The following NSF variants were observed in gnomAD, a reference collection of about 807,000 sequenced individuals.
The protein encoded by NSF is vesicle-fusing ATPase.
NSF carries 14 observed loss-of-function variants against 50.3 expected under a neutral mutation model. That is an observed-to-expected ratio of 0.28 (90% CI 0.18 to 0.44). NSF has a LOEUF of 0.44. Among genes scored for constraint, NSF ranks in the 20% least tolerant of loss-of-function variants. The pLI is 1.00. For synonymous variants in NSF, 109 were observed against 175.7 expected, an observed-to-expected ratio of 0.62 and a Z score of 3.00; for missense variants, 218 against 504.3, an observed-to-expected ratio of 0.43 and a Z score of 5.44.
At chr17:46,754,277 C>T (rs2059212376) in intron 19 of NSF, among the ~76,000 whole-genome samples, 1 of 150,112 alleles carries the variant, frequency 6.7e-6, no homozygotes, top group Non-Finnish European at 1.5e-5. Context: ...GACCTCTTAC[C>T]TTTGATACAT....
intron 15 of NSF, among the ~76,000 whole-genome samples, chr17:46,718,898 G>T (rs2058800843): frequency 6.6e-6 from 1 of 152,100 alleles, no homozygotes. Context: ...CAAATTCTCA[G>T]AAGTGGGATT....
At chr17:46,613,128 A>G (rs1325773054) in intron 1 of NSF, among the ~76,000 whole-genome samples, 8 of 44,138 alleles carry the variant, frequency 1.8e-4, no homozygotes, top group African/African-American at 5.4e-4. Flanking sequence ...AATTGTTTTA[A>G]TTACCTGGGT....
intron 17 of NSF, among the ~76,000 whole-genome samples, chr17:46,734,325 A>G (rs2058978996): frequency 6.6e-6 from 1 of 152,100 alleles, no homozygotes; most frequent in South Asian, 2.1e-4. Context: ...AGGCTTAGTC[A>G]TTTTGCCAGA....
chr17:46,750,031 T>G (rs772107126), intron 18 of NSF, 124 bp downstream of exon 18: 1 of 1,130,168 alleles, frequency 8.8e-7, no homozygotes, highest in Non-Finnish European at 1.3e-6. Context: ...CCCGGGGATA[T>G]TACAGGTTGT....
At chr17:46,690,529 G>A (rs198861) in intron 9 of NSF, among the ~76,000 whole-genome samples, 11,674 of 65,148 alleles carry the variant, frequency 0.18, 18 homozygotes, top group Non-Finnish European at 0.24. Flanking sequence ...GGAGAATGGC[G>A]TGAACCCGGG....
chr17:46,610,041 C>CTCTCTTT (rs545055767), intron 1 of NSF, among the ~76,000 whole-genome samples: 2 of 118,656 alleles, frequency 1.7e-5, no homozygotes, highest in Non-Finnish European at 3.7e-5. Context: ...CTCTCTCTCT[C>CTCTCTTT]TCTTTCTTTC....
At chr17:46,740,363 A>C (rs1002739464) in intron 17 of NSF, among the ~76,000 whole-genome samples, 6 of 152,250 alleles carry the variant, frequency 3.9e-5, no homozygotes, top group Non-Finnish European at 8.8e-5. Flanking sequence ...GCAAATTGGC[A>C]GAAAACTGGA....
In NSF at chr17:46,608,154, C is replaced by CA. The variant is rs1283117147; in HGVS notation, c.13-16084dup. 7.1e-5 allele frequency among the ~76,000 whole-genome samples: 8 copies of CA among 112,228 alleles called. 2 individuals carry two copies. The highest frequency in any genetic ancestry group is 2.1e-4 in the Admixed American group (2 of 9,564). The allele number at this position is 112,228 out of a possible 152,430, so 73.6% of individuals were successfully genotyped here. ...TGAAACCCCGTCTCTACTAAAAATACAAAAAATTAGCCAGGCGTGGTGGCG... is the reference window on the plus strand; with the variant it reads ...TGAAACCCCGTCTCTACTAAAAATACAAAAAAATTAGCCAGGCGTGGTGGCG... On this transcript the variant is annotated intron_variant, in intron 1 of 20. Coordinates refer to ENST00000398238, the MANE Select transcript of NSF (RefSeq NM_006178.4).
Position 46,727,641 on chromosome 17 carries a change from G to A in NSF, c.1828+1026G>A, listed in dbSNP as rs143749286. ...TGAGGTCTCCATAAATTGATAGTGGGTTTTGGGTCTGCTAGGTTTGATACA... is the reference window on the plus strand; with the variant it reads ...TGAGGTCTCCATAAATTGATAGTGGATTTTGGGTCTGCTAGGTTTGATACA... On this transcript the variant is annotated intron_variant, in intron 16 of 20. Transcript: ENST00000398238. Among the ~76,000 whole-genome samples, 609 of 152,234 alleles carry A rather than the reference G, an allele frequency of 4.0e-3. 1 individual carries two copies. The highest frequency in any genetic ancestry group is 6.7e-3 in the Non-Finnish European group (453 of 68,006).
intron 17 of NSF, among the ~76,000 whole-genome samples, chr17:46,743,291 C>A (rs760277591): frequency 2.6e-5 from 4 of 152,138 alleles, no homozygotes; most frequent in Admixed American, 1.3e-4. Context: ...CTGACCTAAC[C>A]GTATGGATTC....
chr17:46,611,999 A>G (rs1488030557), intron 1 of NSF, among the ~76,000 whole-genome samples: 1 of 92,254 alleles, frequency 1.1e-5, no homozygotes, highest in Non-Finnish European at 2.1e-5. Flanking sequence ...GTTTATATCC[A>G]GAATATGCAA....
intron 9 of NSF, among the ~76,000 whole-genome samples, chr17:46,688,164 A>G (rs1477479004): frequency 6.9e-6 from 1 of 144,080 alleles, no homozygotes; most frequent in Non-Finnish European, 1.5e-5. Context: ...CAAAAAACAT[A>G]GCTAGGAATC....
chr17:46,748,683 GAACAC>G (rs1248748863), intron 17 of NSF, among the ~76,000 whole-genome samples: 1 of 152,176 alleles, frequency 6.6e-6, no homozygotes, highest in African/African-American at 2.4e-5. Context: ...ATTGAACTGT[GAACAC>G]ACAGGACTCC....
At chr17:46,721,086 C>T (rs961160128) in intron 15 of NSF, among the ~76,000 whole-genome samples, 2 of 152,210 alleles carry the variant, frequency 1.3e-5, no homozygotes, top group African/African-American at 4.8e-5. Context: ...AGACCTGCCC[C>T]TAATCCCTGC....
intron 13 of NSF, among the ~76,000 whole-genome samples, chr17:46,710,611 C>T (rs1046538134): frequency 4.6e-5 from 7 of 152,204 alleles, no homozygotes; most frequent in African/African-American, 7.2e-5. Context: ...AGTCCATAAT[C>T]TCTTTTTTCC....
rs530345654 is a variant in NSF at position 46,737,952 on chromosome 17, A to ATTATTATTG, written c.1908+9018_1908+9019insTTATTATTG. On this transcript the variant is annotated intron_variant, in intron 17 of 20. Transcript: ENST00000398238. The stretch of plus-strand genomic sequence containing the variant: ...TATTATTATTATTATTATTATTATT[A>ATTATTATTG]GAGATAGGATCTTGCTGTGTTGCCC... 2.6e-3 allele frequency among the ~76,000 whole-genome samples: 369 copies of ATTATTATTG among 139,968 alleles called. 3 individuals carry two copies. The highest frequency in any genetic ancestry group is 0.024 in the East Asian group (113 of 4,780). 91.8% of individuals were successfully genotyped at this position (139,968 alleles called of 152,430 possible). A position where few individuals can be genotyped will look rare whatever the true frequency, so the allele number is the denominator to read the frequency against.
At chr17:46,722,673 A>C (rs2058843977) in intron 15 of NSF, among the ~76,000 whole-genome samples, 1 of 152,228 alleles carries the variant, frequency 6.6e-6, no homozygotes. Context: ...GAGACTAGGC[A>C]GAAATCGTGG....
chr17:46,730,215 C>T (rs1221299664), intron 17 of NSF, among the ~76,000 whole-genome samples: 2 of 152,046 alleles, frequency 1.3e-5, no homozygotes, highest in African/African-American at 4.8e-5. Flanking sequence ...ATATATTATG[C>T]ACACAAAAAA....
At chr17:46,737,685 GTT>G (rs2059022200) in intron 17 of NSF, among the ~76,000 whole-genome samples, 1 of 151,968 alleles carries the variant, frequency 6.6e-6, no homozygotes, top group African/African-American at 2.4e-5. Flanking sequence ...GATGCATAGA[GTT>G]AGGTTTTATA....
Sources: gnomAD v4.1 joint callset for allele counts (sites outside exome capture counted in the v4.1 genomes callset) on GRCh38, gnomAD v4.1.1 for gene constraint, MANE v1.5 for transcripts, NCBI Gene and HGNC (gene_info 2026-07-23, HGNC 2026-07-21) for gene names.